Variants in LAMC1 observed in about 807,000 individuals in gnomAD.
LAMC1 encodes the protein laminin subunit gamma-1.
LAMC1 carries 38 observed loss-of-function variants against 173.6 expected under a neutral mutation model. The observed-to-expected ratio is 0.22, with a 90% confidence interval of 0.17 to 0.29. LAMC1 has a LOEUF of 0.29. LAMC1 is among the 10% of genes least tolerant of loss of function. The pLI is 1.00. For missense variants in LAMC1, 1,824 were observed against 2,051.8 expected (o/e 0.89, Z 2.14); for synonymous variants, 746 against 749.1 (o/e 1.00, Z 0.07).
At chr1:183,028,164 A>G (rs1324926603) in intron 1 of LAMC1, among the ~76,000 whole-genome samples, 1 of 133,942 alleles carries the variant, frequency 7.5e-6, no homozygotes, top group Non-Finnish European at 1.6e-5. Context: ...CCCCCCCCCC[A>G]CCTCTTCCAT....
At chr1:183,047,881 T>G (rs79532423) in intron 1 of LAMC1, among the ~76,000 whole-genome samples, 15,856 of 152,254 alleles carry the variant, frequency 0.1, 1,018 homozygotes, top group Admixed American at 0.2. Flanking sequence ...ACAGTTTTTT[T>G]CATAACTTTA....
rs546568545 is a variant in LAMC1, at chr1:183,063,826, A to G, written c.419-39502A>G. Among the ~76,000 whole-genome samples, 5 of 152,306 alleles carry G rather than the reference A, an allele frequency of 3.3e-5. No individual in the cohort carries two copies. The East Asian group carries it at 7.7e-4, about 23-fold the overall frequency. ...ATCTTCCCCAGGTGGTTTTGTGAGGATAATGCTCTTAATTTTATTAATTTT... is the reference window on the plus strand; with the variant it reads ...ATCTTCCCCAGGTGGTTTTGTGAGGGTAATGCTCTTAATTTTATTAATTTT... On this transcript the variant is annotated intron_variant, in intron 1 of 27. Coordinates refer to ENST00000258341, the MANE Select transcript of LAMC1 (RefSeq NM_002293.4).
At chr1:183,108,179 A>G (rs1293781516) in intron 2 of LAMC1, 97 bp from the exon 3 acceptor site, 1 of 1,149,500 alleles carries the variant, frequency 8.7e-7, no homozygotes, top group Non-Finnish European at 1.3e-6. Flanking sequence ...CGTAAGTTAA[A>G]TGATAATAAG....
At chr1:183,072,438 T>G (rs1655032934) in intron 1 of LAMC1, among the ~76,000 whole-genome samples, 1 of 152,230 alleles carries the variant, frequency 6.6e-6, no homozygotes, top group South Asian at 2.1e-4. Flanking sequence ...AACATTGTAT[T>G]CCGTTTGCAA....
intron 15 of LAMC1, among the ~76,000 whole-genome samples, 185 bp downstream of exon 15, chr1:183,125,735 C>T (rs572639378): frequency 3.9e-5 from 6 of 152,318 alleles, no homozygotes; most frequent in African/African-American, 1.4e-4. Context: ...GAGTGGAGCA[C>T]AGTGGCCCCA....
chr1:183,048,637 T>A (rs1331701635), intron 1 of LAMC1, among the ~76,000 whole-genome samples: 1 of 152,208 alleles, frequency 6.6e-6, no homozygotes, highest in Non-Finnish European at 1.5e-5. Flanking sequence ...TACACACATG[T>A]ACACCACCCA....
intron 1 of LAMC1, among the ~76,000 whole-genome samples, chr1:183,048,149 A>G (rs1393108989): frequency 6.6e-6 from 1 of 152,192 alleles, no homozygotes; most frequent in African/African-American, 2.4e-5. Context: ...AGTAGCTGAA[A>G]TTTTGAAATT....
chr1:183,023,989 G>T lies in LAMC1; in HGVS notation c.273G>T (p.Leu91=), dbSNP rs1288741845. 1 of 1,613,090 alleles carries T rather than the reference G, an allele frequency of 6.2e-7. No individual in the cohort carries two copies. Among genetic ancestry groups the T allele is most frequent in the African/African-American group, 1.3e-5 (1 of 74,950 alleles). ...CCGGGGTCACCAAGTCCTGTCACCT[G>T]TGCGACGCCGGGCAGCCCCACCTGC... ...GVTGVTKSCH[L]CDAGQPHLQH... Residue 91 remains leucine, a synonymous_variant, in exon 1 of 28, where the codon CTG becomes CTT. Transcript: ENST00000258341.
chr1:183,140,641 A>G, intron 27 of LAMC1, 138 bp downstream of exon 27: 1 of 431,488 alleles, frequency 2.3e-6, no homozygotes, highest in Non-Finnish European at 4.0e-6. Context: ...TAAATTATTA[A>G]TATTTCCTTT....
intron 1 of LAMC1, among the ~76,000 whole-genome samples, chr1:183,076,791 C>G (rs1481723508): frequency 6.6e-6 from 1 of 152,196 alleles, no homozygotes; most frequent in Admixed American, 6.5e-5. Context: ...GTTATTGAAG[C>G]TTGGATATAC....
chr1:183,065,423 C>G (rs962176568), intron 1 of LAMC1, among the ~76,000 whole-genome samples: 3 of 152,306 alleles, frequency 2.0e-5, no homozygotes, highest in South Asian at 2.1e-4. Context: ...AGTCCAAAAG[C>G]TGGAAACTCA....
intron 6 of LAMC1, among the ~76,000 whole-genome samples, 158 bp downstream of exon 6, chr1:183,115,795 T>A (rs1656302600): frequency 6.6e-6 from 1 of 152,168 alleles, no homozygotes; most frequent in African/African-American, 2.4e-5. Flanking sequence ...CACAAGGGGT[T>A]TGGCTTGTAC....
At chr1:183,072,475 T>C (rs1207254079) in intron 1 of LAMC1, among the ~76,000 whole-genome samples, 1 of 152,230 alleles carries the variant, frequency 6.6e-6, no homozygotes, top group Non-Finnish European at 1.5e-5. Flanking sequence ...GTGTGGTCAC[T>C]TCTAGAACGA....
At chr1:183,127,126 T>A in intron 16 of LAMC1, 100 bp from the exon 17 acceptor site, 1 of 1,060,670 alleles carries the variant, frequency 9.4e-7, no homozygotes, top group Non-Finnish European at 1.4e-6. Flanking sequence ...ATTATGACAG[T>A]ATAGTCAGCT....
chr1:183,126,062 A>G, intron 15 of LAMC1, 58 bp from the exon 16 acceptor site: 1 of 1,551,474 alleles, frequency 6.4e-7, no homozygotes, highest in Non-Finnish European at 8.7e-7. Context: ...AAAAAAAAAA[A>G]AAGTTGTGCT....
intron 1 of LAMC1, among the ~76,000 whole-genome samples, chr1:183,063,758 C>T (rs1300932409): frequency 6.6e-6 from 1 of 152,208 alleles, no homozygotes; most frequent in Non-Finnish European, 1.5e-5. Context: ...CAAATTCATA[C>T]ATCGGATGAA....
At chr1:183,026,079 T>C (rs1412407802) in intron 1 of LAMC1, among the ~76,000 whole-genome samples, 1 of 152,258 alleles carries the variant, frequency 6.6e-6, no homozygotes, top group African/African-American at 2.4e-5. Context: ...AGTTTACCTC[T>C]AACATCACTT....
intron 1 of LAMC1, among the ~76,000 whole-genome samples, chr1:183,053,716 C>G (rs903378319): frequency 1.3e-5 from 2 of 151,972 alleles, no homozygotes; most frequent in East Asian, 1.9e-4. Context: ...ACCTCCATCT[C>G]CTGGGCTCAA....
At chr1:183,093,414 C>T (rs1655614551) in intron 1 of LAMC1, among the ~76,000 whole-genome samples, 2 of 152,112 alleles carry the variant, frequency 1.3e-5, no homozygotes, top group Non-Finnish European at 2.9e-5. Flanking sequence ...GAATTCTACT[C>T]TTTTGGTATT....
Sources: allele counts gnomAD v4.1 joint callset (sites outside exome capture counted in the v4.1 genomes callset), GRCh38; gene constraint gnomAD v4.1.1; transcripts MANE v1.5; gene names NCBI Gene and HGNC (gene_info 2026-07-23, HGNC 2026-07-21).